Variants in APMAP observed in about 807,000 individuals in gnomAD.
APMAP encodes adipocyte plasma membrane-associated protein.
APMAP carries 33 observed loss-of-function variants against 43.6 expected under a neutral mutation model. That is an observed-to-expected ratio of 0.76 (90% CI 0.57 to 1.01). The LOEUF is 1.01. Among genes scored for constraint, APMAP ranks in the 50% least tolerant of loss-of-function variants. The pLI, the probability that APMAP is intolerant of heterozygous loss-of-function variation, is 0.00. For synonymous variants in APMAP, 224 were observed against 216.7 expected (o/e 1.03, Z -0.30); for missense variants, 498 against 540.7 (o/e 0.92, Z 0.78).
intron 3 of APMAP, among the ~76,000 whole-genome samples, chr20:24,978,213 T>G (rs904969100): frequency 1.3e-5 from 2 of 152,228 alleles, no homozygotes; most frequent in African/African-American, 2.4e-5. Flanking sequence ...GAAAATGCCT[T>G]GTTCAAGGTT....
intron 3 of APMAP, among the ~76,000 whole-genome samples, chr20:24,978,423 T>C (rs761360837): frequency 1.3e-4 from 20 of 152,396 alleles, no homozygotes; most frequent in Middle Eastern, 3.4e-3. Flanking sequence ...AATACTGTGC[T>C]GTCAAATAGC....
chr20:24,974,806 TA>T (rs1289568166), intron 3 of APMAP, among the ~76,000 whole-genome samples: 1 of 152,166 alleles, frequency 6.6e-6, no homozygotes, highest in Non-Finnish European at 1.5e-5. Flanking sequence ...TAAGAACCTT[TA>T]ATGTGTATAT....
chr20:24,971,051 G>A (rs556209102), intron 5 of APMAP, among the ~76,000 whole-genome samples: 43 of 152,292 alleles, frequency 2.8e-4, no homozygotes, highest in Middle Eastern at 3.4e-3. Context: ...GCAATCAGGG[G>A]AGAGAAGAGG....
intron 8 of APMAP, among the ~76,000 whole-genome samples, chr20:24,967,852 G>A (rs1176026350): frequency 1.3e-5 from 2 of 152,190 alleles, no homozygotes; most frequent in Admixed American, 6.5e-5. Context: ...AGCCAATAAG[G>A]CAAAGAGAAG....
At chr20:24,967,887 C>A (rs56887298) in intron 8 of APMAP, among the ~76,000 whole-genome samples, 1,972 of 152,288 alleles carry the variant, frequency 0.013, 43 homozygotes, top group African/African-American at 0.044. Flanking sequence ...CAGATTAGGA[C>A]TTCCCACACA....
intron 1 of APMAP, among the ~76,000 whole-genome samples, chr20:24,988,216 T>A (rs372077032): frequency 2.0e-5 from 3 of 152,256 alleles, no homozygotes; most frequent in African/African-American, 7.2e-5. Context: ...GCCAAAACGC[T>A]ACTTTTTCCT....
chr20:24,991,300 C>G (rs995677216), intron 1 of APMAP, among the ~76,000 whole-genome samples: 1 of 152,234 alleles, frequency 6.6e-6, no homozygotes, highest in Non-Finnish European at 1.5e-5. Context: ...CCTCAATCAT[C>G]AACAGATGAT....
At chr20:24,965,274 C>T (rs576204381) in intron 8 of APMAP, among the ~76,000 whole-genome samples, 1 of 152,366 alleles carries the variant, frequency 6.6e-6, no homozygotes, top group South Asian at 2.1e-4. Context: ...TGGCCTGGGC[C>T]CTGCCCTGCC....
rs1215259487 is a variant in APMAP at position 24,984,019 on chromosome 20, G to A, written c.96C>T (p.Ser32=). ...CTCGGAAAACTCTGCCGCTAAAGGA[G>A]CTGCCAGAAATAAAAGATACAAAGG... ...DGQAPEAKDG[S]SFSGRVFRVT... Residue 32 remains serine (S), a splice_region_variant and synonymous_variant, in exon 2 of 9, where the codon AGC becomes AGT. Transcript: ENST00000217456. The A allele has an allele frequency of 1.9e-6, 3 of 1,609,114 alleles. No homozygotes were observed. The highest frequency in any genetic ancestry group is 3.3e-5 in the Admixed American group (2 of 59,952).
Position 24,963,792 on chromosome 20 carries a change from A to AG in APMAP, c.*20dup. 6.2e-7 allele frequency: 1 copy of AG among 1,611,588 alleles called. No individual in the cohort carries two copies. The highest frequency in any genetic ancestry group is 8.5e-7 in the Non-Finnish European group (1 of 1,177,996). ...TGTGAAGACTCCTGGCCTGCGTGGCAGGGGCAGCTATCTGGGAGGGCTAAA... is the reference window on the plus strand; with the variant it reads ...TGTGAAGACTCCTGGCCTGCGTGGCAGGGGGCAGCTATCTGGGAGGGCTAAA... On this transcript the variant is annotated 3_prime_UTR_variant, in exon 9 of 9. Coordinates refer to ENST00000217456, the MANE Select transcript of APMAP (RefSeq NM_020531.3).
chr20:24,970,348 A>G lies in APMAP; in HGVS notation c.562T>C (p.Ser188Pro). ...TTCTTCCCCTCAATGGGTGTCTCGG[A>G]GGACAGCAGCAGTTTCACTTCACCT... ...WKREVKLLLS[S>P]ETPIEGKNMS... The change falls in exon 6 of 9, where the codon TCC becomes CCC. Residue 188 changes from serine (S) to proline (P), a missense_variant. By Grantham distance (74) the Ser-to-Pro change is moderately conservative. Transcript: ENST00000217456. The G allele has an allele frequency of 6.2e-7, 1 of 1,613,110 alleles. No homozygotes were observed. The highest frequency in any genetic ancestry group is 8.5e-7 in the Non-Finnish European group (1 of 1,179,412).
At chr20:24,970,910 A>G (rs1199789954) in intron 5 of APMAP, among the ~76,000 whole-genome samples, 1 of 152,176 alleles carries the variant, frequency 6.6e-6, no homozygotes, top group Non-Finnish European at 1.5e-5. Context: ...AGCAGAGTGG[A>G]ATGCCCCCAA....
intron 1 of APMAP, 78 bp from the exon 2 acceptor site, chr20:24,984,097 C>A: frequency 2.5e-6 from 3 of 1,176,526 alleles, no homozygotes; most frequent in South Asian, 1.4e-5. Context: ...AAAGCCCTCC[C>A]GGCAGGAGCA....
intron 2 of APMAP, among the ~76,000 whole-genome samples, chr20:24,979,291 C>T (rs1432339139): frequency 2.0e-5 from 3 of 152,172 alleles, no homozygotes; most frequent in African/African-American, 4.8e-5. Flanking sequence ...CCTGATGACC[C>T]GGCCTCGTAT....
At position 24,963,438 on chromosome 20, in the gene APMAP, C is replaced by T. The variant is rs1406838271; in HGVS notation, c.*375G>A. On this transcript the variant is annotated 3_prime_UTR_variant, in exon 9 of 9. Coordinates refer to ENST00000217456, the MANE Select transcript of APMAP (RefSeq NM_020531.3). ...GAACTTTGAGGCCGCAGGACAGGGC[C>T]GCAGCAGCAAGCTCTCTGGGTAGTG... 3 of 244,050 alleles carry T rather than the reference C, an allele frequency of 1.2e-5. No homozygotes were observed. Among genetic ancestry groups the T allele is most frequent in the Non-Finnish European group, 1.6e-5 (2 of 122,692 alleles). The allele number at this position is 244,050 out of a possible 1,614,324, so 15.1% of individuals were successfully genotyped here. A position where few individuals can be genotyped will look rare whatever the true frequency, so the allele number is the denominator to read the frequency against.
rs776849853 is a variant in APMAP at position 24,978,829 on chromosome 20, C to T, written c.266G>A (p.Arg89Gln). 34 of 1,609,224 alleles carry T rather than the reference C, an allele frequency of 2.1e-5. No individual in the cohort carries two copies. The highest frequency in any genetic ancestry group is 3.3e-5 in the Admixed American group (2 of 59,772). ...LGVLHPNTKL[R>Q]QAERLFENQL... The stretch of plus-strand genomic sequence containing the variant: ...ATTTTCAAACAGCCTTTCTGCCTGT[C>T]GCAGCTTCGTATTTGGATGCAGAAC... Residue 89 changes from arginine (R) to glutamine (Q), a missense_variant, in exon 3 of 9, where the codon CGA becomes CAA. Arg to Gln is a conservative substitution (Grantham distance 43). Transcript: ENST00000217456.
intron 1 of APMAP, among the ~76,000 whole-genome samples, chr20:24,984,873 C>A (rs2088134710): frequency 6.6e-6 from 1 of 152,100 alleles, no homozygotes; most frequent in Non-Finnish European, 1.5e-5. Flanking sequence ...ATGAATTGAA[C>A]TCAAATTTAC....
intron 8 of APMAP, 36 bp downstream of exon 8, chr20:24,968,856 C>T (rs1208599018): frequency 6.5e-7 from 1 of 1,538,376 alleles, no homozygotes; most frequent in African/African-American, 1.4e-5. Flanking sequence ...AATTCATTTC[C>T]ATTTTCTTTC....
chr20:24,978,635 G>A (rs548657348), intron 3 of APMAP, 132 bp downstream of exon 3: 32 of 690,194 alleles, frequency 4.6e-5, no homozygotes, highest in Admixed American at 7.9e-5. Flanking sequence ...CAAGTCCCAC[G>A]TCCGCAGCTA....
Sources: gnomAD v4.1 joint callset for allele counts (sites outside exome capture counted in the v4.1 genomes callset) on GRCh38, gnomAD v4.1.1 for gene constraint, MANE v1.5 for transcripts, NCBI Gene and HGNC (gene_info 2026-07-23, HGNC 2026-07-21) for gene names.